The following CSNK1G3 variants were observed in gnomAD, a reference collection of about 807,000 sequenced individuals.
CSNK1G3 encodes casein kinase 1 gamma 3.
Under a neutral mutation model 64.3 loss-of-function variants are expected in CSNK1G3, and 23 were observed. That is an observed-to-expected ratio of 0.36 (90% CI 0.26 to 0.51). The LOEUF is 0.51. CSNK1G3 is among the 20% of genes least tolerant of loss of function. The pLI, the probability that CSNK1G3 is intolerant of heterozygous loss-of-function variation, is 0.96. For synonymous variants in CSNK1G3, 158 were observed against 162.2 expected (o/e 0.97, Z 0.20); for missense variants, 357 against 510.5 (o/e 0.70, Z 2.90).
chr5:123,513,052 C>G (rs532130257), intron 1 of CSNK1G3, among the ~76,000 whole-genome samples: 2 of 151,854 alleles, frequency 1.3e-5, no homozygotes, highest in Non-Finnish European at 2.9e-5. Flanking sequence ...CGACGGGGGC[C>G]AGCGTTCAGC....
chr5:123,573,409 T>G, exon 5 of CSNK1G3: 1 of 1,613,974 alleles, frequency 6.2e-7, no homozygotes, highest in Non-Finnish European at 8.5e-7. Flanking sequence ...TACCTCAAGT[T>G]TACTATTTCG....
chr5:123,516,576 G>A (rs1777201275), intron 1 of CSNK1G3, among the ~76,000 whole-genome samples: 1 of 152,074 alleles, frequency 6.6e-6, no homozygotes, highest in South Asian at 2.1e-4. Context: ...CTGCCACTTC[G>A]TGCTTATCAT....
At chr5:123,605,389 A>C (rs1795187847) in intron 12 of CSNK1G3, 27 bp downstream of exon 13, 1 of 1,609,232 alleles carries the variant, frequency 6.2e-7, no homozygotes, top group South Asian at 1.1e-5. Context: ...GGCAGGCAGA[A>C]ATAGCTCCAT....
At chr5:123,553,193 T>C (rs1429226926) in intron 3 of CSNK1G3, 46 bp downstream of exon 3, 2 of 1,015,272 alleles carry the variant, frequency 2.0e-6, no homozygotes, top group South Asian at 3.5e-5. Flanking sequence ...CTTTGTTACT[T>C]TTTAAGTAAC....
chr5:123,604,495 T>G (rs1361211876), intron 10 of CSNK1G3, among the ~76,000 whole-genome samples: 1 of 152,066 alleles, frequency 6.6e-6, no homozygotes, highest in Admixed American at 6.6e-5. Context: ...GGAAAGGAAG[T>G]AAGTTGAAAA....
intron 12 of CSNK1G3, among the ~76,000 whole-genome samples, chr5:123,612,340 A>T (rs990457503): frequency 1.3e-5 from 2 of 152,214 alleles, no homozygotes; most frequent in East Asian, 3.8e-4. Context: ...TTGACTAAAG[A>T]TAATGTGGGT....
chr5:123,592,530 G>A (rs1792572607), intron 10 of CSNK1G3, among the ~76,000 whole-genome samples: 1 of 151,946 alleles, frequency 6.6e-6, no homozygotes, highest in Non-Finnish European at 1.5e-5. Context: ...ATCACACTGA[G>A]TTAAGGAGTG....
chr5:123,605,481 GTTA>G, intron 12 of CSNK1G3, 119 bp downstream of exon 13: 1 of 1,110,276 alleles, frequency 9.0e-7, no homozygotes, highest in Non-Finnish European at 1.3e-6. Flanking sequence ...ATTGGTAAAA[GTTA>G]TTCAAAAGTA....
intron 12 of CSNK1G3, among the ~76,000 whole-genome samples, chr5:123,606,932 AG>A (rs1795464674): frequency 6.6e-6 from 1 of 152,184 alleles, no homozygotes; most frequent in Non-Finnish European, 1.5e-5. Flanking sequence ...ACGATAAAAA[AG>A]GTATTTTAAA....
intron 6 of CSNK1G3, among the ~76,000 whole-genome samples, chr5:123,582,843 C>T (rs1171558257): frequency 2.0e-5 from 3 of 152,158 alleles, no homozygotes; most frequent in Non-Finnish European, 2.9e-5. Context: ...GAAAGCCTTC[C>T]TGTGATTTCT....
chr5:123,608,089 C>T (rs1251300415), intron 12 of CSNK1G3, among the ~76,000 whole-genome samples: 1 of 152,054 alleles, frequency 6.6e-6, no homozygotes, highest in Admixed American at 6.6e-5. Flanking sequence ...ACCATCATAC[C>T]CAGCTCCTTT....
intron 1 of CSNK1G3, among the ~76,000 whole-genome samples, chr5:123,528,324 C>A (rs1014884289): frequency 4.6e-5 from 7 of 152,044 alleles, no homozygotes; most frequent in African/African-American, 1.7e-4. Flanking sequence ...TCTCTTTCCT[C>A]TTCTATTTGA....
At chr5:123,522,175 A>G (rs1561447517) in intron 1 of CSNK1G3, among the ~76,000 whole-genome samples, 1 of 152,098 alleles carries the variant, frequency 6.6e-6, no homozygotes, top group Admixed American at 6.6e-5. Flanking sequence ...TCATAGCTTC[A>G]TACAGTTCCT....
In CSNK1G3 at chr5:123,590,318, T is replaced by G. The variant is rs558882730; in HGVS notation, c.845-95T>G. 544 of 537,320 alleles carry G rather than the reference T, an allele frequency of 1.0e-3. 1 individual carries two copies. Among genetic ancestry groups the G allele is most frequent in the African/African-American group, 0.01 (507 of 50,664 alleles). The allele number at this position is 537,320 out of a possible 1,614,324, so 33.3% of individuals were successfully genotyped here. ...TGTAATTTTGTTACTTTTCAAGTGT[T>G]TTTATATAATACAATGTGCTTTTAG... On this transcript the variant is annotated intron_variant, in intron 8 of 12. Coordinates refer to ENST00000345990, the Ensembl canonical transcript of CSNK1G3.
exon 6 of CSNK1G3, chr5:123,575,855 G>A (rs1222296908): frequency 1.2e-6 from 2 of 1,613,662 alleles, no homozygotes; most frequent in Non-Finnish European, 8.5e-7. Context: ...TTTTGGTTTG[G>A]CAAAGGAATA....
chr5:123,517,284 C>A (rs940856147), intron 1 of CSNK1G3, among the ~76,000 whole-genome samples: 1 of 152,164 alleles, frequency 6.6e-6, no homozygotes, highest in Admixed American at 6.5e-5. Flanking sequence ...TTAGTTTTAT[C>A]TTGAACTTTT....
At chr5:123,596,129 A>G (rs1793395828) in intron 10 of CSNK1G3, among the ~76,000 whole-genome samples, 1 of 152,056 alleles carries the variant, frequency 6.6e-6, no homozygotes, top group Non-Finnish European at 1.5e-5. Flanking sequence ...ATTAAATCTT[A>G]TGAGCCCTCA....
chr5:123,600,385 G>A (rs1372678390), intron 10 of CSNK1G3, among the ~76,000 whole-genome samples: 1 of 152,040 alleles, frequency 6.6e-6, no homozygotes, highest in African/African-American at 2.4e-5. Flanking sequence ...CAGCACTTTG[G>A]GAGGCTGAGG....
At chr5:123,576,092 C>G (rs1789102950) in intron 6 of CSNK1G3, 129 bp downstream of exon 6, 1 of 583,250 alleles carries the variant, frequency 1.7e-6, no homozygotes, top group East Asian at 2.9e-5. Context: ...TTTATCACAT[C>G]TACCTAGAGT....
Sources: allele counts gnomAD v4.1 joint callset (sites outside exome capture counted in the v4.1 genomes callset), GRCh38; gene constraint gnomAD v4.1.1; transcripts MANE v1.5; gene names NCBI Gene and HGNC (gene_info 2026-07-23, HGNC 2026-07-21).